PAK6: variants seen among roughly 807,000 people sequenced by gnomAD.
PAK6 encodes the protein p21 (RAC1) activated kinase 6.
PAK6 carries 33 observed loss-of-function variants against 60.8 expected under a neutral mutation model. The observed-to-expected ratio is 0.54, with a 90% CI of 0.41 to 0.73. The LOEUF (loss-of-function observed/expected upper bound fraction) is 0.73. PAK6 is among the 30% of genes least tolerant of loss of function. The pLI is 0.00. For synonymous variants in PAK6, 404 were observed against 378.5 expected (o/e 1.07, Z -0.78); for missense variants, 845 against 904.1 (o/e 0.93, Z 0.84).
chr15:40,257,849 A>G (rs1305139416), intron 3 of PAK6, among the ~76,000 whole-genome samples: 1 of 151,986 alleles, frequency 6.6e-6, no homozygotes, highest in Non-Finnish European at 1.5e-5. Context: ...TAGACCAGCC[A>G]AGCCTCAGTG....
intron 1 of PAK6, 96 bp from the exon 2 acceptor site, chr15:40,240,503 C>G: frequency 2.6e-6 from 1 of 382,350 alleles, no homozygotes; most frequent in South Asian, 2.0e-5. Flanking sequence ...CAGGACAATA[C>G]CAACCAGGAG....
At chr15:40,273,036 T>C in intron 7 of PAK6, 37 bp downstream of exon 7, 1 of 1,607,894 alleles carries the variant, frequency 6.2e-7, no homozygotes, top group Non-Finnish European at 8.5e-7. Flanking sequence ...GAGTGCAGGC[T>C]GCCCTCACCA....
At chr15:40,249,204 G>T (rs2038589407) in intron 2 of PAK6, among the ~76,000 whole-genome samples, 1 of 152,024 alleles carries the variant, frequency 6.6e-6, no homozygotes, top group Non-Finnish European at 1.5e-5. Flanking sequence ...TGAGGGCTCT[G>T]CTTTCGTGAC....
chr15:40,261,717 T>C (rs2038991050), intron 3 of PAK6, among the ~76,000 whole-genome samples: 1 of 152,112 alleles, frequency 6.6e-6, no homozygotes, highest in African/African-American at 2.4e-5. Context: ...GGTTGATTGG[T>C]TGATTTTCCA....
At position 40,266,048 on chromosome 15, in the gene PAK6, C is replaced by T. The variant is rs964336799; in HGVS notation, c.411C>T (p.Arg137=). 2.5e-6 allele frequency: 4 copies of T among 1,608,394 alleles called. No individual in the cohort carries two copies. The Admixed American group carries it at 6.7e-5, about 27-fold the overall frequency. Residue 137 remains arginine, a synonymous_variant, in exon 5 of 11, where the codon CGC becomes CGT. Transcript: ENST00000560346. ...ACCTCCAGAGCCCCCAGTCTGAGCGCACTGACCCCCACGGCCTCTACCTCA... is the reference window on the plus strand; with the variant it reads ...ACCTCCAGAGCCCCCAGTCTGAGCGTACTGACCCCCACGGCCTCTACCTCA...
chr15:40,272,338 G>C, exon 6 of PAK6: 2 of 1,613,836 alleles, frequency 1.2e-6, no homozygotes, highest in African/African-American at 2.7e-5. Flanking sequence ...GACCACTTCG[G>C]ATACCAGCAG....
At chr15:40,262,224 T>A (rs139794188) in intron 3 of PAK6, among the ~76,000 whole-genome samples, 17 of 152,246 alleles carry the variant, frequency 1.1e-4, no homozygotes, top group African/African-American at 4.1e-4. Flanking sequence ...TAAAGACTCT[T>A]CTGTAGCAAA....
At chr15:40,268,952 G>A (rs958801457) in intron 5 of PAK6, among the ~76,000 whole-genome samples, 1 of 152,232 alleles carries the variant, frequency 6.6e-6, no homozygotes, top group South Asian at 2.1e-4. Context: ...CAACCCACAG[G>A]GTTATGAGGA....
chr15:40,273,532 A>G lies in PAK6; in HGVS notation c.1618-19A>G, dbSNP rs985465711. ...CCCACTTCCTCCTGATCCACCACTCACTCCCTTTTCAACCGCAGGTGAAGC... is the reference window on the plus strand; with the variant it reads ...CCCACTTCCTCCTGATCCACCACTCGCTCCCTTTTCAACCGCAGGTGAAGC... On this transcript the variant is annotated intron_variant, in intron 8 of 10. Coordinates refer to ENST00000560346, the Ensembl canonical transcript of PAK6. The G allele has an allele frequency of 1.1e-5, 17 of 1,612,722 alleles. 1 individual carries two copies. In the Middle Eastern group the frequency reaches 4.9e-4, roughly 47 times the overall value.
At chr15:40,271,949 G>A (rs77205775) in intron 5 of PAK6, among the ~76,000 whole-genome samples, 2 of 152,316 alleles carry the variant, frequency 1.3e-5, no homozygotes, top group East Asian at 3.9e-4. Flanking sequence ...GCGGGGAGCT[G>A]GCCTTCTCTG....
At chr15:40,265,851 C>G in exon 5 of PAK6, 1 of 1,532,924 alleles carries the variant, frequency 6.5e-7, no homozygotes, top group Non-Finnish European at 8.8e-7. Flanking sequence ...GACAGTGGTG[C>G]GGGGCAGCGC....
chr15:40,273,958 A>C, intron 9 of PAK6, 184 bp from the exon 10 acceptor site: 1 of 724,022 alleles, frequency 1.4e-6, no homozygotes, highest in Non-Finnish European at 2.3e-6. Context: ...CTGTGTCCCT[A>C]TAGGCAGTGG....
intron 7 of PAK6, 73 bp from the exon 8 acceptor site, chr15:40,273,273 C>T (rs997587893): frequency 1.3e-6 from 2 of 1,555,504 alleles, no homozygotes; most frequent in African/African-American, 1.4e-5. Flanking sequence ...GGGACTCCTA[C>T]TCTGCTCAGC....
intron 3 of PAK6, chr15:40,259,798 A>AAAG (rs1469102546): frequency 6.6e-6 from 1 of 151,402 alleles, no homozygotes; most frequent in African/African-American, 2.4e-5. Context: ...AAAAAAAAAA[A>AAAG]AAAAAAAAAA....
At position 40,240,562 on chromosome 15, in the gene PAK6, C is replaced by CTTTTTTTTTTTTTTTTTTTTTTTTTTTT; in HGVS notation, c.-200-16_-200-15insTTTTTTTTTTTTTTTTTTTTTTTTTTTT. The CTTTTTTTTTTTTTTTTTTTTTTTTTTTT allele has an allele frequency of 1.2e-5, 4 of 320,512 alleles. 1 individual carries two copies. The highest frequency in any genetic ancestry group is 2.1e-5 in the South Asian group (1 of 46,734). 19.9% of individuals were successfully genotyped at this position (320,512 alleles called of 1,614,324 possible). A position where few individuals can be genotyped will look rare whatever the true frequency, so the allele number is the denominator to read the frequency against. On this transcript the variant is annotated intron_variant, in intron 1 of 10. Coordinates refer to ENST00000560346, the Ensembl canonical transcript of PAK6. Reference sequence around the variant, plus strand: ...AGAAAAGCACTGAGGTTTTCTTTTCCTTTTTTTTTTTTTTTTTTTTTCTAT... The same window carrying CTTTTTTTTTTTTTTTTTTTTTTTTTTTT: ...AGAAAAGCACTGAGGTTTTCTTTTCCTTTTTTTTTTTTTTTTTTTTTTTTTTTTTTTTTTTTTTTTTTTTTTTTTCTAT...
At chr15:40,273,463 C>T (rs775149745) in exon 8 of PAK6, 28 of 1,613,676 alleles carry the variant, frequency 1.7e-5, no homozygotes, top group Non-Finnish European at 2.1e-5. Flanking sequence ...TGCTGACCCT[C>T]GATGGCAGGG....
In PAK6 at chr15:40,264,782, C is replaced by T. The variant is rs201707008; in HGVS notation, c.-4C>T. Reference sequence around the variant, plus strand: ...CTCAACCTTACTCTGCACTTACAGGCACCATGTTCCGCAAGAAAAAGAAGA... The same window carrying T: ...CTCAACCTTACTCTGCACTTACAGGTACCATGTTCCGCAAGAAAAAGAAGA... On this transcript the variant is annotated splice_region_variant and 5_prime_UTR_variant, in exon 4 of 11. Coordinates refer to ENST00000560346, the Ensembl canonical transcript of PAK6. 139 of 1,613,528 alleles carry T rather than the reference C, an allele frequency of 8.6e-5. No individual in the cohort carries two copies. In the African/African-American group the frequency reaches 1.7e-3, roughly 20 times the overall value.
intron 5 of PAK6, among the ~76,000 whole-genome samples, chr15:40,271,227 G>A (rs1221827145): frequency 6.6e-6 from 1 of 152,234 alleles, no homozygotes; most frequent in Non-Finnish European, 1.5e-5. Flanking sequence ...ACCCAAAGAT[G>A]GGCGGGCACC....
chr15:40,273,033 G>T, intron 7 of PAK6, 34 bp downstream of exon 7: 2 of 1,609,118 alleles, frequency 1.2e-6, no homozygotes, highest in Middle Eastern at 1.7e-4. Context: ...CCTGAGTGCA[G>T]GCTGCCCTCA....
Sources: gnomAD v4.1 joint callset for allele counts (sites outside exome capture counted in the v4.1 genomes callset) on GRCh38, gnomAD v4.1.1 for gene constraint, MANE v1.5 for transcripts, NCBI Gene and HGNC (gene_info 2026-07-23, HGNC 2026-07-21) for gene names.